ITGB5: variants seen among roughly 807,000 people sequenced by gnomAD.
ITGB5 encodes the protein integrin beta-5.
A neutral mutation model predicts 84.8 loss-of-function variants in ITGB5; 38 were observed. The ratio of observed to expected loss-of-function variants is 0.45; its 90% CI spans 0.35 to 0.59. ITGB5 has a LOEUF of 0.59. Among genes scored for constraint, ITGB5 ranks in the 20% least tolerant of loss-of-function variants. The probability of loss-of-function intolerance (pLI) is 0.01; values close to 1 mark genes in which losing one functional copy is unlikely to be tolerated. For missense variants in ITGB5, 905 were observed against 1,034.5 expected (o/e 0.87, Z 1.72); for synonymous variants, 393 against 414.4 (o/e 0.95, Z 0.63).
At chr3:124,779,523 C>T (rs2063972586) in intron 10 of ITGB5, among the ~76,000 whole-genome samples, 1 of 152,094 alleles carries the variant, frequency 6.6e-6, no homozygotes, top group African/African-American at 2.4e-5. Flanking sequence ...GCCTGTTCAC[C>T]ATGAAACATG....
chr3:124,822,449 C>G (rs1050329410), intron 5 of ITGB5, among the ~76,000 whole-genome samples: 6 of 152,222 alleles, frequency 3.9e-5, no homozygotes, highest in Non-Finnish European at 1.5e-5. Context: ...AGCTATTGCT[C>G]TCTTACGACA....
intron 1 of ITGB5, among the ~76,000 whole-genome samples, chr3:124,899,077 AAAAAAAAAGAAAAG>A (rs140915803): frequency 0.16 from 24,644 of 150,518 alleles, 2,217 homozygotes; most frequent in South Asian, 0.22. Flanking sequence ...CTCTGTCTCA[AAAAAAAAAGAAAAG>A]AAAAAAAAGA....
At chr3:124,866,562 G>A (rs1174507530) in intron 2 of ITGB5, among the ~76,000 whole-genome samples, 1 of 152,220 alleles carries the variant, frequency 6.6e-6, no homozygotes, top group Admixed American at 6.5e-5. Flanking sequence ...AGGAACCCAA[G>A]CAAGAAAGGA....
chr3:124,897,069 G>C (rs912014794), intron 1 of ITGB5, among the ~76,000 whole-genome samples: 1 of 152,146 alleles, frequency 6.6e-6, no homozygotes, highest in Non-Finnish European at 1.5e-5. Context: ...CTCACAGACA[G>C]ATACATTCTT....
chr3:124,882,171 T>C (rs1174273086), intron 1 of ITGB5, among the ~76,000 whole-genome samples: 1 of 152,168 alleles, frequency 6.6e-6, no homozygotes, highest in Non-Finnish European at 1.5e-5. Context: ...TGCCTGGTGC[T>C]GTTGTAGGCA....
chr3:124,896,414 C>G (rs1012981270), intron 1 of ITGB5, among the ~76,000 whole-genome samples: 4 of 152,158 alleles, frequency 2.6e-5, no homozygotes, highest in Admixed American at 6.6e-5. Flanking sequence ...CATTCAGACT[C>G]TTAGCCTTTC....
chr3:124,773,278 G>C (rs1294519932), intron 11 of ITGB5, among the ~76,000 whole-genome samples: 1 of 152,168 alleles, frequency 6.6e-6, no homozygotes, highest in South Asian at 2.1e-4. Flanking sequence ...CTGTTTGGGA[G>C]ATATCAGTGT....
intron 3 of ITGB5, among the ~76,000 whole-genome samples, chr3:124,854,739 A>G (rs1207201494): frequency 6.6e-6 from 1 of 152,234 alleles, no homozygotes; most frequent in Non-Finnish European, 1.5e-5. Flanking sequence ...GTACACCTTA[A>G]GTTAGTGAAT....
rs1482691598 is a variant in ITGB5 at position 124,886,677 on chromosome 3, C to G, written c.70+254G>C. On this transcript the variant is annotated intron_variant, in intron 1 of 14. Transcript: ENST00000296181. Reference sequence around the variant, plus strand: ...GCCCTGGCGGGCTAGGTCAGCAGGCCGGCCAGCCTGTTTACACAGGAAGGG... The same window carrying G: ...GCCCTGGCGGGCTAGGTCAGCAGGCGGGCCAGCCTGTTTACACAGGAAGGG... Among the ~76,000 whole-genome samples the G allele has an allele frequency of 5.9e-5, 9 of 152,002 alleles. No individual in the cohort carries two copies. In the East Asian group the frequency reaches 1.6e-3, roughly 26 times the overall value.
intron 2 of ITGB5, among the ~76,000 whole-genome samples, chr3:124,868,757 C>T (rs1426485195): frequency 2.0e-5 from 3 of 151,324 alleles, no homozygotes; most frequent in African/African-American, 4.9e-5. Flanking sequence ...GCTATGATCA[C>T]ACCACTGCAC....
chr3:124,842,465 G>A (rs1240625457), intron 4 of ITGB5, among the ~76,000 whole-genome samples: 1 of 152,220 alleles, frequency 6.6e-6, no homozygotes, highest in Non-Finnish European at 1.5e-5. Flanking sequence ...GTAAAGGGAA[G>A]AGGGGAGAGT....
intron 10 of ITGB5, among the ~76,000 whole-genome samples, chr3:124,776,922 GCCTT>G (rs1390060097): frequency 1.3e-5 from 2 of 152,192 alleles, no homozygotes; most frequent in African/African-American, 4.8e-5. Flanking sequence ...AAGGGAACGG[GCCTT>G]CCTTGTGAAA....
chr3:124,833,465 TAG>T (rs2064886423), intron 5 of ITGB5, among the ~76,000 whole-genome samples: 1 of 152,254 alleles, frequency 6.6e-6, no homozygotes, highest in African/African-American at 2.4e-5. Flanking sequence ...TCCCAGAGGA[TAG>T]AGACTTCTCA....
At chr3:124,841,051 T>A (rs2065003960) in intron 5 of ITGB5, among the ~76,000 whole-genome samples, 1 of 152,250 alleles carries the variant, frequency 6.6e-6, no homozygotes, top group Non-Finnish European at 1.5e-5. Flanking sequence ...CAAGCTTCTA[T>A]GCCTATGACT....
At chr3:124,809,432 G>A (rs928842716) in intron 8 of ITGB5, 3 of 374,330 alleles carry the variant, frequency 8.0e-6, no homozygotes, top group East Asian at 4.9e-5. Flanking sequence ...TGCTTCAAAC[G>A]GGTTATGCCC....
At chr3:124,807,128 AT>A (rs944233669) in intron 9 of ITGB5, among the ~76,000 whole-genome samples, 37 of 152,280 alleles carry the variant, frequency 2.4e-4, no homozygotes, top group African/African-American at 8.7e-4. Flanking sequence ...ATAAATAATC[AT>A]TTGTGGGCAG....
chr3:124,842,799 C>T (rs376265995), intron 4 of ITGB5, among the ~76,000 whole-genome samples: 1 of 152,342 alleles, frequency 6.6e-6, no homozygotes, highest in Admixed American at 6.5e-5. Flanking sequence ...AAAAAGCAGA[C>T]TCACCAGGGC....
chr3:124,828,572 G>A (rs1254290789), intron 5 of ITGB5, among the ~76,000 whole-genome samples: 1 of 152,192 alleles, frequency 6.6e-6, no homozygotes, highest in Middle Eastern at 3.2e-3. Context: ...TAGGGGTGAA[G>A]GATATGTTTG....
At chr3:124,798,071 T>TTTTTTTTTTTTTTTTTTTTG (rs2064259522) in intron 9 of ITGB5, among the ~76,000 whole-genome samples, 1 of 149,082 alleles carries the variant, frequency 6.7e-6, no homozygotes, top group Non-Finnish European at 1.5e-5. Context: ...TTTTTTTTTT[T>TTTTTTTTTTTTTTTTTTTTG]GAGGTGGAGT....
Sources: gnomAD v4.1 joint callset for allele counts (sites outside exome capture counted in the v4.1 genomes callset) on GRCh38, gnomAD v4.1.1 for gene constraint, MANE v1.5 for transcripts, NCBI Gene and HGNC (gene_info 2026-07-23, HGNC 2026-07-21) for gene names.